NALF1: variants seen among roughly 807,000 people sequenced by gnomAD.
The protein encoded by NALF1 is NALCN channel auxiliary factor 1.
Under a neutral mutation model 48.4 loss-of-function variants are expected in NALF1, and 3 were observed. The observed-to-expected ratio is 0.06, with a 90% CI of 0.03 to 0.16. The LOEUF is 0.16. Ranked by LOEUF, NALF1 falls within the 10% of genes least tolerant of loss-of-function variation. NALF1 has a pLI of 1.00. For missense variants in NALF1, 526 were observed against 571.5 expected, an observed-to-expected ratio of 0.92 and a Z score of 0.81; for synonymous variants, 262 against 245.7, an observed-to-expected ratio of 1.07 and a Z score of -0.62.
At chr13:107,525,676 T>A (rs1283609699) in intron 1 of NALF1, among the ~76,000 whole-genome samples, 1 of 152,132 alleles carries the variant, frequency 6.6e-6, no homozygotes, top group Non-Finnish European at 1.5e-5. Flanking sequence ...TTTAATTTTA[T>A]AAGAAATTGA....
chr13:107,178,984 C>T (rs748976379), intron 2 of NALF1, among the ~76,000 whole-genome samples: 2 of 152,016 alleles, frequency 1.3e-5, no homozygotes, highest in South Asian at 2.1e-4. Flanking sequence ...ATAGAGCTAC[C>T]ATATGATCCA....
chr13:107,255,690 A>G (rs902608150), intron 1 of NALF1, among the ~76,000 whole-genome samples: 1 of 152,168 alleles, frequency 6.6e-6, no homozygotes, highest in Non-Finnish European at 1.5e-5. Context: ...TAATGCTCAC[A>G]AATGCTCATA....
intron 1 of NALF1, among the ~76,000 whole-genome samples, chr13:107,544,344 A>C (rs1037374586): frequency 4.6e-5 from 7 of 152,200 alleles, no homozygotes; most frequent in African/African-American, 1.7e-4. Context: ...TTAATATGCC[A>C]TATATTCCCA....
intron 1 of NALF1, among the ~76,000 whole-genome samples, chr13:107,299,336 C>T (rs1223088062): frequency 6.6e-6 from 1 of 151,750 alleles, no homozygotes; most frequent in East Asian, 1.9e-4. Context: ...GAGGCTGAGG[C>T]AGGAGAATTG....
chr13:107,563,673 A>C (rs1310678067), intron 1 of NALF1, among the ~76,000 whole-genome samples: 1 of 152,226 alleles, frequency 6.6e-6, no homozygotes, highest in African/African-American at 2.4e-5. Flanking sequence ...GTCTTTGAAG[A>C]CATTGCAGCT....
intron 1 of NALF1, among the ~76,000 whole-genome samples, chr13:107,475,843 G>A (rs548637303): frequency 6.6e-6 from 1 of 152,218 alleles, no homozygotes; most frequent in South Asian, 2.1e-4. Flanking sequence ...GGAAACCAAA[G>A]ACAGAGACAC....
chr13:107,778,700 T>C (rs1877806297), intron 1 of NALF1, among the ~76,000 whole-genome samples: 1 of 152,080 alleles, frequency 6.6e-6, no homozygotes, highest in African/African-American at 2.4e-5. Flanking sequence ...ATGGAGACCA[T>C]AAACCTTAGG....
chr13:107,263,249 GACACACACAC>G lies in NALF1; in HGVS notation c.916-52504_916-52495del, dbSNP rs34637583. ...CCCAACACCCCACAAAATGCTAACA[GACACACACAC>G]ACACACACACACACACACACACACA... On this transcript the variant is annotated intron_variant, in intron 1 of 2. Transcript: ENST00000375915. Among the ~76,000 whole-genome samples, 255 of 138,464 alleles carry G rather than the reference GACACACACAC, an allele frequency of 1.8e-3. 2 individuals are homozygous for G. The highest frequency in any genetic ancestry group is 5.4e-3 in the African/African-American group (199 of 36,898). 90.8% of individuals were successfully genotyped at this position (138,464 alleles called of 152,430 possible). A position where few individuals can be genotyped will look rare whatever the true frequency, so the allele number is the denominator to read the frequency against.
At chr13:107,384,622 A>T (rs1408632952) in intron 1 of NALF1, among the ~76,000 whole-genome samples, 2 of 152,194 alleles carry the variant, frequency 1.3e-5, no homozygotes, top group Non-Finnish European at 2.9e-5. Context: ...AAACCAGGCA[A>T]GGCATCTTTT....
intron 1 of NALF1, among the ~76,000 whole-genome samples, chr13:107,712,295 G>A (rs1417919712): frequency 6.6e-6 from 1 of 152,088 alleles, no homozygotes; most frequent in Non-Finnish European, 1.5e-5. Context: ...TCCTAAAAGA[G>A]GTATTAATAA....
intron 1 of NALF1, among the ~76,000 whole-genome samples, chr13:107,786,897 G>A (rs1248473370): frequency 1.3e-5 from 2 of 152,204 alleles, no homozygotes; most frequent in Non-Finnish European, 2.9e-5. Flanking sequence ...TCTAGGAGCT[G>A]AGAGCGGAGC....
rs535631376 is a variant in NALF1 at position 107,418,553 on chromosome 13, C to T, written c.916-207798G>A. ...ATAATACAATCTATTTCTTTTTTTC[C>T]CCCAACTTTTATTTTAGGCTCTGAG... On this transcript the variant is annotated intron_variant, in intron 1 of 2. Coordinates refer to ENST00000375915, the MANE Select transcript of NALF1 (RefSeq NM_001080396.3). Among the ~76,000 whole-genome samples the T allele has an allele frequency of 9.6e-4, 146 of 151,734 alleles. 3 individuals are homozygous for T. The South Asian group carries it at 0.03, about 31-fold the overall frequency.
intron 1 of NALF1, among the ~76,000 whole-genome samples, chr13:107,551,106 TTC>T (rs144270647): frequency 1.3e-5 from 2 of 151,604 alleles, no homozygotes; most frequent in Non-Finnish European, 2.9e-5. Context: ...TGCTGTATTC[TTC>T]TCTCTCTCTG....
At chr13:107,607,291 A>G (rs1879099592) in intron 1 of NALF1, among the ~76,000 whole-genome samples, 1 of 152,246 alleles carries the variant, frequency 6.6e-6, no homozygotes, top group South Asian at 2.1e-4. Flanking sequence ...AAAAGATTGT[A>G]GGCTTAAATT....
At chr13:107,535,518 A>C (rs952591313) in intron 1 of NALF1, among the ~76,000 whole-genome samples, 1 of 152,166 alleles carries the variant, frequency 6.6e-6, no homozygotes, top group Non-Finnish European at 1.5e-5. Flanking sequence ...CCAACTTACA[A>C]GGGATGTGAA....
intron 1 of NALF1, among the ~76,000 whole-genome samples, chr13:107,799,557 C>T (rs569831404): frequency 1.5e-4 from 23 of 152,274 alleles, no homozygotes; most frequent in African/African-American, 4.6e-4. Context: ...AAGAAGTTTG[C>T]ACTCACAATT....
chr13:107,423,827 A>G (rs998880875), intron 1 of NALF1, among the ~76,000 whole-genome samples: 10 of 152,230 alleles, frequency 6.6e-5, no homozygotes, highest in Non-Finnish European at 1.3e-4. Flanking sequence ...ATGAGTTAAC[A>G]TAAGACATAT....
intron 1 of NALF1, among the ~76,000 whole-genome samples, chr13:107,313,768 C>G (rs1268744774): frequency 6.6e-6 from 1 of 152,168 alleles, no homozygotes; most frequent in East Asian, 1.9e-4. Context: ...AAAGGCAGAT[C>G]AATGACTCAA....
At chr13:107,238,465 G>C (rs928477584) in intron 1 of NALF1, among the ~76,000 whole-genome samples, 1 of 152,118 alleles carries the variant, frequency 6.6e-6, no homozygotes, top group African/African-American at 2.4e-5. Flanking sequence ...CTGCTGACTG[G>C]GGATGGCTCC....
Sources: gnomAD v4.1 joint callset for allele counts (sites outside exome capture counted in the v4.1 genomes callset) on GRCh38, gnomAD v4.1.1 for gene constraint, MANE v1.5 for transcripts, NCBI Gene and HGNC (gene_info 2026-07-23, HGNC 2026-07-21) for gene names.